Variants in HSPBAP1 observed in about 807,000 individuals in gnomAD.
HSPBAP1 encodes HSPB1 associated protein 1.
In HSPBAP1, 27 loss-of-function variants were observed where a neutral mutation model predicts 45.2. That is an observed-to-expected ratio of 0.60 (90% confidence interval 0.44 to 0.82). HSPBAP1 has a LOEUF of 0.82. Among genes scored for constraint, HSPBAP1 ranks in the 40% least tolerant of loss-of-function variants. The probability of loss-of-function intolerance (pLI) is 0.00; values close to 1 mark genes in which losing one functional copy is unlikely to be tolerated. For synonymous variants in HSPBAP1, 204 were observed against 202.7 expected (o/e 1.01, Z -0.06); for missense variants, 510 against 590.9 (o/e 0.86, Z 1.42).
At chr3:122,745,384 C>A (rs1933810547) in intron 6 of HSPBAP1, among the ~76,000 whole-genome samples, 3 of 152,078 alleles carry the variant, frequency 2.0e-5, no homozygotes, top group Non-Finnish European at 2.9e-5. Flanking sequence ...AAGACCTTAC[C>A]CTAGCAGCAA....
At chr3:122,780,246 A>C (rs1399585907) in intron 1 of HSPBAP1, among the ~76,000 whole-genome samples, 1 of 52,686 alleles carries the variant, frequency 1.9e-5, no homozygotes, top group Non-Finnish European at 3.9e-5. Flanking sequence ...TGACCCCCCC[A>C]CCTCCCTCCC....
chr3:122,768,619 G>T, intron 3 of HSPBAP1, 82 bp downstream of exon 3: 1 of 883,330 alleles, frequency 1.1e-6, no homozygotes, highest in Non-Finnish European at 1.8e-6. Flanking sequence ...AAAAGGCAGA[G>T]AAGGTGCCAG....
intron 3 of HSPBAP1, among the ~76,000 whole-genome samples, chr3:122,759,625 G>A (rs1029468164): frequency 6.6e-6 from 1 of 152,194 alleles, no homozygotes; most frequent in African/African-American, 2.4e-5. Flanking sequence ...CTGGAAGCTT[G>A]TAATGAATCA....
At chr3:122,777,686 A>G (rs1388942534) in intron 2 of HSPBAP1, 35 bp downstream of exon 2, 1 of 1,472,058 alleles carries the variant, frequency 6.8e-7, no homozygotes, top group South Asian at 1.2e-5. Flanking sequence ...ATGCTCCTGA[A>G]GAGACATTAT....
intron 4 of HSPBAP1, 131 bp downstream of exon 4, chr3:122,759,093 G>T: frequency 7.5e-7 from 1 of 1,339,922 alleles, no homozygotes; most frequent in Non-Finnish European, 1.0e-6. Context: ...CCCTAATCAT[G>T]AGGCAGGCTG....
In HSPBAP1 at chr3:122,740,552, C is replaced by T. The variant is rs1448164626; in HGVS notation, c.1260G>A (p.Lys420=). The change falls in exon 8 of 8, where the codon AAG becomes AAA. Residue 420 remains lysine, a synonymous_variant. Coordinates refer to ENST00000306103, the MANE Select transcript of HSPBAP1 (RefSeq NM_024610.6). ...GCAATTTTCCAAAGTGTTCTCCATC[C>T]TTGTCCACAAAGTCTTTCCCATCAC... ...FGSDGKDFVD[K]DGEHFGKLHC... is the part of the protein sequence containing the mutation. The T allele has an allele frequency of 1.9e-6, 3 of 1,614,192 alleles. No individual in the cohort carries two copies. The highest frequency in any genetic ancestry group is 1.1e-5 in the South Asian group (1 of 91,084).
At chr3:122,756,762 C>T (rs1934371782) in intron 4 of HSPBAP1, among the ~76,000 whole-genome samples, 1 of 151,786 alleles carries the variant, frequency 6.6e-6, no homozygotes, top group Non-Finnish European at 1.5e-5. Context: ...ACACGGCCAT[C>T]AGCTTAAAAA....
At chr3:122,779,492 T>TTTCATTTATTTATTTA (rs755495858) in intron 1 of HSPBAP1, among the ~76,000 whole-genome samples, 1 of 144,318 alleles carries the variant, frequency 6.9e-6, no homozygotes, top group Non-Finnish European at 1.5e-5. Flanking sequence ...ATATGTTTTC[T>TTTCATTTATTTATTTA]TTTATTTATT....
chr3:122,752,258 C>T (rs578031166), intron 6 of HSPBAP1, among the ~76,000 whole-genome samples: 40 of 152,160 alleles, frequency 2.6e-4, no homozygotes, highest in South Asian at 4.1e-4. Context: ...GAAAGAGGAG[C>T]GGCAACAAGG....
At chr3:122,741,352 G>T (rs773734795) in intron 6 of HSPBAP1, 22 of 471,810 alleles carry the variant, frequency 4.7e-5, no homozygotes, top group Non-Finnish European at 7.5e-5. Flanking sequence ...ATAAGTCATG[G>T]CCTTAAGTAT....
rs539896564 is a variant in HSPBAP1, at chr3:122,761,353, C to A, written c.433-1993G>T. On this transcript the variant is annotated intron_variant, in intron 3 of 7. Coordinates refer to ENST00000306103, the MANE Select transcript of HSPBAP1 (RefSeq NM_024610.6). ...GACAGACCAACCCCACATGAAAAAC[C>A]CTGTTCTAGAGCCCTGCTTTGGAAA... is the stretch of plus-strand genomic sequence containing the variant. Among the ~76,000 whole-genome samples the A allele has an allele frequency of 2.0e-5, 3 of 152,020 alleles. No individual in the cohort carries two copies. The South Asian group carries it at 6.2e-4, about 32-fold the overall frequency.
chr3:122,793,558 CACGAGAG>C, intron 1 of HSPBAP1, 52 bp downstream of exon 1: 2 of 1,524,404 alleles, frequency 1.3e-6, no homozygotes, highest in Non-Finnish European at 1.8e-6. Flanking sequence ...CGAGGGGTGC[CACGAGAG>C]TCAACTGGCA....
chr3:122,782,458 G>C (rs1280852727), intron 1 of HSPBAP1, among the ~76,000 whole-genome samples: 3 of 152,006 alleles, frequency 2.0e-5, no homozygotes, highest in Non-Finnish European at 4.4e-5. Context: ...AGTAATTTTT[G>C]AATTAAAAAA....
intron 6 of HSPBAP1, among the ~76,000 whole-genome samples, chr3:122,745,924 A>G (rs370876415): frequency 9.8e-5 from 15 of 152,358 alleles, no homozygotes; most frequent in African/African-American, 3.6e-4. Context: ...CTGCAGCCAC[A>G]GTGCATAAGT....
At chr3:122,747,539 G>C (rs1576235434) in intron 6 of HSPBAP1, among the ~76,000 whole-genome samples, 1 of 149,926 alleles carries the variant, frequency 6.7e-6, no homozygotes, top group South Asian at 2.1e-4. Flanking sequence ...GGGAGGTGGG[G>C]GTCAGCCCCC....
intron 5 of HSPBAP1, chr3:122,754,832 C>T (rs572022376): frequency 1.4e-5 from 14 of 988,274 alleles, no homozygotes; most frequent in East Asian, 1.1e-4. Context: ...TCCTTCTGCC[C>T]GTTGGCCCAC....
chr3:122,791,687 G>C (rs1935834975), intron 1 of HSPBAP1, among the ~76,000 whole-genome samples: 1 of 152,184 alleles, frequency 6.6e-6, no homozygotes, highest in African/African-American at 2.4e-5. Context: ...TAAGGTCTCA[G>C]GTGGTGACAT....
chr3:122,765,181 T>C (rs1934732727), intron 3 of HSPBAP1, among the ~76,000 whole-genome samples: 3 of 152,220 alleles, frequency 2.0e-5, no homozygotes, highest in Admixed American at 1.3e-4. Flanking sequence ...ACTCAGACAA[T>C]TGCTAATGTA....
Position 122,755,279 on chromosome 3 carries a change from A to G in HSPBAP1, c.722T>C (p.Val241Ala). 6.3e-7 allele frequency: 1 copy of G among 1,589,054 alleles called. No individual in the cohort carries two copies. The highest frequency in any genetic ancestry group is 8.5e-7 in the Non-Finnish European group (1 of 1,171,110). ...TATTACCTGTCCTGGGCTCAGTGTA[A>G]CCGCATGTCTTTGAGCTTTCCGGAA... is the stretch of plus-strand genomic sequence containing the variant. ...PQFRKAQRHA[V>A]TLSPGQVLFV... Residue 241 changes from valine (V) to alanine (A), a missense_variant, in exon 5 of 8, where the codon GTT becomes GCT. Coordinates refer to ENST00000306103, the MANE Select transcript of HSPBAP1 (RefSeq NM_024610.6).
Sources: gnomAD v4.1 joint callset for allele counts (sites outside exome capture counted in the v4.1 genomes callset) on GRCh38, gnomAD v4.1.1 for gene constraint, MANE v1.5 for transcripts, NCBI Gene and HGNC (gene_info 2026-07-23, HGNC 2026-07-21) for gene names.